KDM3B: variants seen among roughly 807,000 people sequenced by gnomAD.
KDM3B encodes the protein lysine demethylase 3B, also known as lysine-specific demethylase 3B.
A neutral mutation model predicts 170.0 loss-of-function variants in KDM3B; 10 were observed. That is an observed-to-expected ratio of 0.06 (90% CI 0.04 to 0.10). The LOEUF (loss-of-function observed/expected upper bound fraction) is 0.10. Among genes scored for constraint, KDM3B ranks in the 10% least tolerant of loss-of-function variants. The pLI is 1.00. For synonymous variants in KDM3B, 831 were observed against 834.8 expected, an observed-to-expected ratio of 1.00 and a Z score of 0.08; for missense variants, 1,394 against 2,195.2, an observed-to-expected ratio of 0.64 and a Z score of 7.29.
chr5:138,390,935 G>C, intron 7 of KDM3B, 78 bp from the exon 8 acceptor site: 1 of 1,334,684 alleles, frequency 7.5e-7, no homozygotes, highest in African/African-American at 1.5e-5. Context: ...TTGATCTGGT[G>C]ATAGTGAGGT....
chr5:138,392,517 C>T (rs190524525), intron 8 of KDM3B, among the ~76,000 whole-genome samples: 4 of 152,320 alleles, frequency 2.6e-5, no homozygotes, highest in South Asian at 2.1e-4. Flanking sequence ...TCTTCCTTGG[C>T]GGTCAGTTAT....
At chr5:138,413,746 A>G (rs1025592510) in intron 11 of KDM3B, among the ~76,000 whole-genome samples, 3 of 151,302 alleles carry the variant, frequency 2.0e-5, no homozygotes, top group Admixed American at 2.0e-4. Flanking sequence ...CAATCCTCCT[A>G]CCTCAGCCAC....
chr5:138,419,061 G>C lies in KDM3B; in HGVS notation c.3544G>C (p.Asp1182His). The C allele has an allele frequency of 6.2e-7, 1 of 1,614,136 alleles. No homozygotes were observed. Among genetic ancestry groups the C allele is most frequent in the Non-Finnish European group, 8.5e-7 (1 of 1,180,026 alleles). Residue 1182 changes from aspartate (D) to histidine (H), a missense_variant, in exon 14 of 24, where the codon GAC becomes CAC. Physicochemically the swap from Asp to His is moderately conservative, Grantham distance 81. This residue lies in a region of KDM3B where 87 missense variants were observed against 83.3 expected (regional missense o/e 1.04). Coordinates refer to ENST00000314358, the MANE Select transcript of KDM3B (RefSeq NM_016604.4). ...AGAGCCGGACCATGTTCCCAAAGCCGACAGCACTGACATCAGATCTGAAGA... is the reference window on the plus strand; with the variant it reads ...AGAGCCGGACCATGTTCCCAAAGCCCACAGCACTGACATCAGATCTGAAGA... ...TPEPDHVPKA[D>H]STDIRSEEPL...
chr5:138,382,673 A>AT (rs869184496), intron 6 of KDM3B, among the ~76,000 whole-genome samples: 51 of 147,994 alleles, frequency 3.4e-4, no homozygotes, highest in Admixed American at 5.4e-4. Context: ...AAGAAAAAAA[A>AT]TTTTTTTTTT....
At position 138,352,864 on chromosome 5, in the gene KDM3B, A is replaced by AGCCTCG. The variant is rs1402643589; in HGVS notation, c.78_83dup (p.Ser27_Ala28dup). 331 of 1,375,480 alleles carry AGCCTCG rather than the reference A, an allele frequency of 2.4e-4. No homozygotes were observed. The highest frequency in any genetic ancestry group is 2.9e-4 in the Non-Finnish European group (310 of 1,061,354). The allele number at this position is 1,375,480 out of a possible 1,614,324, so 85.2% of individuals were successfully genotyped here. On this transcript the variant is annotated inframe_insertion, in exon 1 of 24. Coordinates refer to ENST00000314358, the MANE Select transcript of KDM3B (RefSeq NM_016604.4). ...TGCTGTTCGCGGACACTGCGGCCTC[A>AGCCTCG]GCCTCGGCCTCGGCTCCCGCGGCGG...
intron 6 of KDM3B, among the ~76,000 whole-genome samples, chr5:138,384,060 T>C (rs1343515599): frequency 6.8e-6 from 1 of 146,808 alleles, no homozygotes; most frequent in African/African-American, 2.5e-5. Context: ...ATCGAGACCA[T>C]GGTGAAGCCC....
intron 16 of KDM3B, 40 bp from the exon 17 acceptor site, chr5:138,425,371 T>C (rs985831045): frequency 6.3e-7 from 1 of 1,596,534 alleles, no homozygotes; most frequent in African/African-American, 1.4e-5. Context: ...CTGGAAGTTT[T>C]TCCTAGATTG....
chr5:138,394,208 AC>A (rs1762498320), intron 9 of KDM3B, among the ~76,000 whole-genome samples: 1 of 152,092 alleles, frequency 6.6e-6, no homozygotes, highest in African/African-American at 2.4e-5. Context: ...CCTAGTCTCT[AC>A]AGAAAATTTT....
chr5:138,381,606 G>A lies in KDM3B; in HGVS notation c.780+16G>A. On this transcript the variant is annotated intron_variant, in intron 6 of 23. Transcript: ENST00000314358. Reference sequence around the variant, plus strand: ...TCAAAGCGAGGTACAGTAATGGACTGCATTCCTGAGCAGACTCATGAGCTT... The same window carrying A: ...TCAAAGCGAGGTACAGTAATGGACTACATTCCTGAGCAGACTCATGAGCTT... 6.8e-7 allele frequency: 1 copy of A among 1,461,228 alleles called. No individual in the cohort carries two copies. Among genetic ancestry groups the A allele is most frequent in the South Asian group, 1.1e-5 (1 of 87,726 alleles). 90.5% of individuals were successfully genotyped at this position (1,461,228 alleles called of 1,614,324 possible).
rs532311604 is a variant in KDM3B, at chr5:138,359,454, GC to G, written c.192+6475del. On this transcript the variant is annotated intron_variant, in intron 1 of 23. Transcript: ENST00000314358. ...TGGGATTACAGGTGTGAGCCACCGT[GC>G]CCCCCCCACCTTTTTTTTTTTTTTT... Among the ~76,000 whole-genome samples the G allele has an allele frequency of 1.4e-4, 20 of 145,458 alleles. No homozygotes were observed. The South Asian group carries it at 3.3e-3, about 24-fold the overall frequency.
chr5:138,422,541 G>A (rs1245346355), intron 15 of KDM3B, among the ~76,000 whole-genome samples: 2 of 152,168 alleles, frequency 1.3e-5, no homozygotes, highest in African/African-American at 2.4e-5. Flanking sequence ...TCGGGAGGTT[G>A]AGGCAGGAGA....
intron 17 of KDM3B, 112 bp from the exon 18 acceptor site, chr5:138,426,862 CA>C (rs60899302): frequency 0.41 from 223,892 of 547,280 alleles, 17,667 homozygotes; most frequent in African/African-American, 0.51. Context: ...GACTCTGTCT[CA>C]AAAAAAAAAA....
intron 6 of KDM3B, 64 bp from the exon 7 acceptor site, chr5:138,385,958 A>C: frequency 6.6e-7 from 1 of 1,520,158 alleles, no homozygotes; most frequent in East Asian, 2.3e-5. Context: ...GGAAAGAGCT[A>C]ATGGTGTGTG....
At chr5:138,404,849 C>T (rs1333013056) in intron 11 of KDM3B, among the ~76,000 whole-genome samples, 1 of 150,978 alleles carries the variant, frequency 6.6e-6, no homozygotes, top group African/African-American at 2.4e-5. Flanking sequence ...TCAGCCCCTT[C>T]AAGTAGCTGG....
At chr5:138,364,395 A>G (rs1306003457) in intron 1 of KDM3B, among the ~76,000 whole-genome samples, 4 of 151,922 alleles carry the variant, frequency 2.6e-5, no homozygotes, top group African/African-American at 7.3e-5. Context: ...TTTTTGGCTG[A>G]GTAATTTAAC....
chr5:138,412,682 T>A (rs1044106695), intron 11 of KDM3B, among the ~76,000 whole-genome samples: 1 of 151,866 alleles, frequency 6.6e-6, no homozygotes, highest in Non-Finnish European at 1.5e-5. Context: ...AAAGCTGCTG[T>A]GCACAGTGGT....
At chr5:138,375,025 A>T (rs1287940423) in intron 2 of KDM3B, 68 bp from the exon 3 acceptor site, 25 of 816,086 alleles carry the variant, frequency 3.1e-5, no homozygotes, top group Non-Finnish European at 4.5e-5. Context: ...TTGAAGTTAG[A>T]GATTTGTTTG....
At chr5:138,421,650 G>C (rs1763276092) in intron 15 of KDM3B, among the ~76,000 whole-genome samples, 1 of 151,828 alleles carries the variant, frequency 6.6e-6, no homozygotes, top group Non-Finnish European at 1.5e-5. Context: ...TAGCTAGAGA[G>C]GTTCTTTTAA....
At chr5:138,387,009 G>A (rs866660889) in intron 7 of KDM3B, among the ~76,000 whole-genome samples, 2 of 152,144 alleles carry the variant, frequency 1.3e-5, no homozygotes, top group African/African-American at 4.8e-5. Flanking sequence ...TATAATTAAG[G>A]CTATGTGTGC....
Sources: gnomAD v4.1 joint callset for allele counts (sites outside exome capture counted in the v4.1 genomes callset) on GRCh38, gnomAD v4.1.1 for gene constraint, gnomAD v4.1.1 regional missense constraint, MANE v1.5 for transcripts, NCBI Gene and HGNC (gene_info 2026-07-23, HGNC 2026-07-21) for gene names.